Variants in UBXN6 observed in about 807,000 individuals in gnomAD.
UBXN6 encodes UBX domain-containing protein 6.
UBXN6 carries 44 observed loss-of-function variants against 51.4 expected under a neutral mutation model. The ratio of observed to expected loss-of-function variants is 0.86; its 90% confidence interval spans 0.67 to 1.10. UBXN6 has a LOEUF of 1.10. Among genes scored for constraint, UBXN6 ranks in the 50% least tolerant of loss-of-function variants. The pLI, the probability that UBXN6 is intolerant of heterozygous loss-of-function variation, is 0.00. For missense variants in UBXN6, 672 were observed against 596.1 expected (o/e 1.13, Z -1.32); for synonymous variants, 316 against 263.2 (o/e 1.20, Z -1.94).
At position 4,448,210 on chromosome 19, in the gene UBXN6, A is replaced by G. The variant is rs1240291036; in HGVS notation, c.539+108T>C. The G allele has an allele frequency of 3.0e-5, 31 of 1,041,188 alleles. No homozygotes were observed. The East Asian group carries it at 8.0e-4, about 27-fold the overall frequency. The allele number at this position is 1,041,188 out of a possible 1,614,324, so 64.5% of individuals were successfully genotyped here. A position where few individuals can be genotyped will look rare whatever the true frequency, so the allele number is the denominator to read the frequency against. Reference sequence around the variant, plus strand: ...CACTCTCGGCCTATGCTCCTTCCCAACCCACCTCAGCAGGTAATGAGGGGG... The same window carrying G: ...CACTCTCGGCCTATGCTCCTTCCCAGCCCACCTCAGCAGGTAATGAGGGGG... On this transcript the variant is annotated intron_variant, in intron 5 of 10. Transcript: ENST00000301281.
At chr19:4,445,781 C>A in intron 10 of UBXN6, 158 bp from the exon 11 acceptor site, 1 of 1,264,166 alleles carries the variant, frequency 7.9e-7, no homozygotes, top group Non-Finnish European at 1.1e-6. Context: ...CCTCTCCCTC[C>A]GGGACTCCAG....
chr19:4,450,555 G>C (rs561599251), intron 4 of UBXN6: 15 of 152,016 alleles, frequency 9.9e-5, no homozygotes, highest in Admixed American at 7.2e-4. Context: ...TCAGGAGATC[G>C]AGACCATCCT....
chr19:4,446,049 C>G lies in UBXN6; in HGVS notation c.1200G>C (p.Leu400=), dbSNP rs1479070789. The G allele has an allele frequency of 1.2e-6, 2 of 1,609,384 alleles. No individual in the cohort carries two copies. ...GGTGCTCCTGCGGGCCGACACTCAC[C>G]AGCCCGCACTCGTTCAAGGCCAGGT... ...DENLALNECG[L]VPSALLTFSW... is the part of the protein sequence containing the mutation. Residue 400 remains leucine (L), a splice_region_variant and synonymous_variant, in exon 10 of 11, where the codon CTG becomes CTC. Coordinates refer to ENST00000301281, the MANE Select transcript of UBXN6 (RefSeq NM_025241.3).
intron 6 of UBXN6, chr19:4,447,329 A>G (rs891474222): frequency 3.4e-6 from 2 of 590,392 alleles, no homozygotes; most frequent in Admixed American, 2.9e-5. Context: ...GATGCAGGTG[A>G]GGAGAGGCAG....
chr19:4,454,927 G>C (rs1027841635), intron 1 of UBXN6: 1 of 152,376 alleles, frequency 6.6e-6, no homozygotes, highest in African/African-American at 2.4e-5. Flanking sequence ...AAGAGGGACA[G>C]GAAGTCCGGG....
rs112621848 is a variant in UBXN6, at chr19:4,452,363, C to G, written c.441+1G>C. The stretch of plus-strand genomic sequence containing the variant: ...GCAGGAGCACACAGGGTGCCACTCA[C>G]CAAGAGAATGGCCTCCTTGATGCAG... On this transcript the variant is annotated splice_donor_variant, in intron 4 of 10. Transcript: ENST00000301281. LOFTEE classifies it high-confidence loss of function. 1.2e-6 allele frequency: 2 copies of G among 1,613,360 alleles called. No homozygotes were observed. The highest frequency in any genetic ancestry group is 4.5e-5 in the East Asian group (2 of 44,858).
At chr19:4,455,450 A>C in intron 1 of UBXN6, 6 of 254,812 alleles carry the variant, frequency 2.4e-5, no homozygotes, top group Non-Finnish European at 3.7e-5. Flanking sequence ...TTCCAACAAA[A>C]TGCCATTTCC....
intron 1 of UBXN6, chr19:4,454,830 A>G (rs243397): frequency 0.99 from 150,746 of 152,394 alleles, 74,566 homozygotes; most frequent in East Asian, 1. Context: ...ACTGTGTGCC[A>G]GGACCCTGCT....
intron 4 of UBXN6, chr19:4,449,804 G>A (rs556860761): frequency 1.3e-5 from 2 of 152,118 alleles, no homozygotes; most frequent in East Asian, 1.9e-4. Flanking sequence ...GTGGGGCTGA[G>A]AAGAAAGCTG....
At chr19:4,447,229 C>T (rs1032340198) in intron 6 of UBXN6, 7 of 572,930 alleles carry the variant, frequency 1.2e-5, no homozygotes, top group African/African-American at 9.4e-5. Flanking sequence ...CCTGCCCTTT[C>T]CCCCAGAAGA....
intron 4 of UBXN6, chr19:4,450,000 C>A (rs893529219): frequency 6.6e-6 from 1 of 151,864 alleles, no homozygotes; most frequent in Non-Finnish European, 1.5e-5. Context: ...GAGGCCGAGG[C>A]GGTCGGATCA....
At position 4,457,715 on chromosome 19, in the gene UBXN6, C is replaced by A; in HGVS notation, c.-18G>T. 1 of 1,396,556 alleles carries A rather than the reference C, an allele frequency of 7.2e-7. No individual in the cohort carries two copies. Among genetic ancestry groups the A allele is most frequent in the South Asian group, 1.3e-5 (1 of 79,224 alleles). The allele number at this position is 1,396,556 out of a possible 1,614,324, so 86.5% of individuals were successfully genotyped here. A position where few individuals can be genotyped will look rare whatever the true frequency, so the allele number is the denominator to read the frequency against. On this transcript the variant is annotated 5_prime_UTR_variant, in exon 1 of 11. Coordinates refer to ENST00000301281, the MANE Select transcript of UBXN6 (RefSeq NM_025241.3). The stretch of plus-strand genomic sequence containing the variant: ...TTCTTCATGGTGGCGGCTGGCCCGG[C>A]GGCGGGGGGCCGCGGGGGCGGGGGG...
At chr19:4,450,230 A>C (rs984293113) in intron 4 of UBXN6, 1 of 151,656 alleles carries the variant, frequency 6.6e-6, no homozygotes, top group African/African-American at 2.4e-5. Context: ...TCAAAAAAAA[A>C]AAAAAAAAAA....
intron 2 of UBXN6, 67 bp downstream of exon 2, chr19:4,453,863 G>C: frequency 2.6e-6 from 2 of 772,248 alleles, no homozygotes; most frequent in Non-Finnish European, 3.2e-6. Context: ...TCTGCATCCA[G>C]GGCCAGGCAC....
At chr19:4,451,202 G>A (rs529317347) in intron 4 of UBXN6, among the ~76,000 whole-genome samples, 9 of 151,878 alleles carry the variant, frequency 5.9e-5, no homozygotes, top group South Asian at 4.2e-4. Context: ...GATTACAGGC[G>A]CCTGTCACCA....
chr19:4,453,353 C>T, intron 3 of UBXN6, 105 bp downstream of exon 3: 1 of 1,326,402 alleles, frequency 7.5e-7, no homozygotes, highest in Non-Finnish European at 1.0e-6. Context: ...CAAGGTTTTC[C>T]AACAGCCCTT....
Position 4,453,644 on chromosome 19 carries a change from T to TGCTGGAGGTCAG in UBXN6, c.248-134_248-123dup. ...CACGCACACCGCCCCAGCCTGCTTC[T>TGCTGGAGGTCAG]GCTGGAGGTCAGGCTGGAGGTCCCC... On this transcript the variant is annotated intron_variant, in intron 2 of 10. Coordinates refer to ENST00000301281, the MANE Select transcript of UBXN6 (RefSeq NM_025241.3). 4 of 1,251,136 alleles carry TGCTGGAGGTCAG rather than the reference T, an allele frequency of 3.2e-6. No homozygotes were observed. The Middle Eastern group carries it at 7.4e-4, about 232-fold the overall frequency. The allele number at this position is 1,251,136 out of a possible 1,614,324, so 77.5% of individuals were successfully genotyped here. A position where few individuals can be genotyped will look rare whatever the true frequency, so the allele number is the denominator to read the frequency against.
At position 4,445,249 on chromosome 19, in the gene UBXN6, G is replaced by A. The variant is rs981531910; in HGVS notation, c.*249C>T. ...CATGACACAGTTACCAAGCAGCTAG[G>A]GAGGGCTTAGATTTGTTGGTGTCCC... On this transcript the variant is annotated 3_prime_UTR_variant, in exon 11 of 11. Coordinates refer to ENST00000301281, the MANE Select transcript of UBXN6 (RefSeq NM_025241.3). The A allele has an allele frequency of 1.2e-5, 6 of 518,450 alleles. No homozygotes were observed. Among genetic ancestry groups the A allele is most frequent in the African/African-American group, 5.8e-5 (3 of 51,584 alleles). The allele number at this position is 518,450 out of a possible 1,614,324, so 32.1% of individuals were successfully genotyped here. A position where few individuals can be genotyped will look rare whatever the true frequency, so the allele number is the denominator to read the frequency against.
At chr19:4,451,249 G>C (rs1456066445) in intron 4 of UBXN6, among the ~76,000 whole-genome samples, 1 of 152,100 alleles carries the variant, frequency 6.6e-6, no homozygotes, top group Non-Finnish European at 1.5e-5. Flanking sequence ...TAGATAGGGG[G>C]TTTCACTATG....
Sources: gnomAD v4.1 joint callset for allele counts (sites outside exome capture counted in the v4.1 genomes callset) on GRCh38, gnomAD v4.1.1 for gene constraint, MANE v1.5 for transcripts, NCBI Gene and HGNC (gene_info 2026-07-23, HGNC 2026-07-21) for gene names.